The following ATL1 variants were observed in gnomAD, a reference collection of about 807,000 sequenced individuals.
The protein encoded by ATL1 is atlastin-1.
ATL1 carries 31 observed loss-of-function variants against 75.5 expected under a neutral mutation model. The observed-to-expected ratio is 0.41, with a 90% CI of 0.31 to 0.55. The LOEUF (loss-of-function observed/expected upper bound fraction) is 0.55. Among genes scored for constraint, ATL1 ranks in the 20% least tolerant of loss-of-function variants. The pLI, the probability that ATL1 is intolerant of heterozygous loss-of-function variation, is 0.27. For synonymous variants in ATL1, 226 were observed against 233.3 expected (o/e 0.97, Z 0.28); for missense variants, 405 against 662.6 (o/e 0.61, Z 4.27).
chr14:50,582,536 A>C (rs1440436871), intron 1 of ATL1, among the ~76,000 whole-genome samples: 1 of 150,160 alleles, frequency 6.7e-6, no homozygotes, highest in Non-Finnish European at 1.5e-5. Flanking sequence ...CAGCCTCTCA[A>C]GTAGTTGGGA....
chr14:50,585,179 C>T (rs773390912), intron 1 of ATL1, among the ~76,000 whole-genome samples: 79 of 152,182 alleles, frequency 5.2e-4, no homozygotes, highest in Non-Finnish European at 9.7e-4. Context: ...AAATTGCTGG[C>T]GGAAGTGAAA....
intron 1 of ATL1, among the ~76,000 whole-genome samples, chr14:50,536,214 G>A (rs1051645875): frequency 6.6e-6 from 1 of 152,232 alleles, no homozygotes; most frequent in Non-Finnish European, 1.5e-5. Context: ...GGAGGCCAAG[G>A]TGGGCGGATC....
At position 50,625,343 on chromosome 14, in the gene ATL1, T is replaced by C. The variant is rs1246145292; in HGVS notation, c.1119+2095T>C. On this transcript the variant is annotated intron_variant, in intron 11 of 13. Transcript: ENST00000358385. ...GGTTTAAGAAGCCATCTCCGTAACA[T>C]AAAGTGCAAGGTGAAGCAGCAAATC... Among the ~76,000 whole-genome samples the C allele has an allele frequency of 3.3e-5, 5 of 152,174 alleles. No individual in the cohort carries two copies. In the East Asian group the frequency reaches 9.6e-4, roughly 29 times the overall value.
chr14:50,582,673 G>A (rs1010201826), intron 1 of ATL1, among the ~76,000 whole-genome samples: 28 of 149,940 alleles, frequency 1.9e-4, no homozygotes, highest in East Asian at 4.1e-4. Context: ...TGATCCACCC[G>A]CCTCGGCCTC....
intron 1 of ATL1, among the ~76,000 whole-genome samples, chr14:50,554,249 G>A (rs2038738660): frequency 6.6e-6 from 1 of 152,084 alleles, no homozygotes; most frequent in Admixed American, 6.6e-5. Flanking sequence ...ACCCGATTAA[G>A]CTTCTTTGAC....
chr14:50,587,750 T>C (rs1157086229), intron 1 of ATL1, 81 bp from the exon 2 acceptor site: 1 of 1,568,736 alleles, frequency 6.4e-7, no homozygotes, highest in Non-Finnish European at 8.8e-7. Flanking sequence ...CTGTGTCGGA[T>C]GTTTGAGAGT....
chr14:50,615,199 A>C (rs765082020), intron 8 of ATL1, among the ~76,000 whole-genome samples: 1 of 152,248 alleles, frequency 6.6e-6, no homozygotes, highest in Non-Finnish European at 1.5e-5. Context: ...GTCTGTAGAC[A>C]TACGCTTTGT....
In ATL1 at chr14:50,621,837, T is replaced by G. The variant is rs192428744; in HGVS notation, c.991-6T>G. ...CTTGAACATGAATCTTTTTCTTTTT[T>G]TTTAGGCTTATATAAAGATCTATCA... On this transcript the variant is annotated splice_polypyrimidine_tract_variant and splice_region_variant and intron_variant, in intron 9 of 13. Coordinates refer to ENST00000358385, the MANE Select transcript of ATL1 (RefSeq NM_015915.5). The G allele has an allele frequency of 1.4e-4, 214 of 1,557,344 alleles. 2 individuals are homozygous for G. The East Asian group carries it at 2.4e-3, about 17-fold the overall frequency.
intron 11 of ATL1, 102 bp downstream of exon 11, chr14:50,623,350 G>A (rs769731538): frequency 1.2e-4 from 114 of 919,692 alleles, no homozygotes; most frequent in Non-Finnish European, 1.5e-4. Flanking sequence ...CACATGCAAT[G>A]AGGTGGCTTT....
chr14:50,544,578 C>T (rs1171419108), intron 1 of ATL1, among the ~76,000 whole-genome samples: 1 of 152,154 alleles, frequency 6.6e-6, no homozygotes, highest in Non-Finnish European at 1.5e-5. Context: ...GCATGGATGT[C>T]TGCTTCTGAT....
chr14:50,622,203 G>A (rs2039473317), intron 10 of ATL1, among the ~76,000 whole-genome samples: 1 of 152,176 alleles, frequency 6.6e-6, no homozygotes, highest in Non-Finnish European at 1.5e-5. Context: ...AAAAGCAGGT[G>A]CAAGTTTTAA....
upstream of ATL1, among the ~76,000 whole-genome samples, chr14:50,555,686 AT>A (rs1199620969): frequency 6.6e-6 from 1 of 152,170 alleles, no homozygotes; most frequent in Non-Finnish European, 1.5e-5. Context: ...AGCCGTTGTA[AT>A]TTTTATAGTA....
At chr14:50,561,963 C>A (rs1187951366) in intron 1 of ATL1, among the ~76,000 whole-genome samples, 1 of 152,092 alleles carries the variant, frequency 6.6e-6, no homozygotes, top group African/African-American at 2.4e-5. Flanking sequence ...TTAACAGAAG[C>A]ATGTGAAAAT....
At chr14:50,611,641 C>T (rs968057210) in intron 6 of ATL1, among the ~76,000 whole-genome samples, 2 of 152,012 alleles carry the variant, frequency 1.3e-5, no homozygotes, top group Admixed American at 6.6e-5. Context: ...AAAGAATAAA[C>T]ACAAAGGGCC....
intron 1 of ATL1, among the ~76,000 whole-genome samples, chr14:50,544,879 A>G (rs778193674): frequency 3.3e-5 from 5 of 149,460 alleles, no homozygotes; most frequent in Non-Finnish European, 7.4e-5. Flanking sequence ...GGATGCTGCA[A>G]TGAGCTATGA....
intron 6 of ATL1, among the ~76,000 whole-genome samples, chr14:50,611,633 A>G (rs1020521704): frequency 6.6e-6 from 1 of 152,186 alleles, no homozygotes; most frequent in Admixed American, 6.5e-5. Flanking sequence ...TTCACAAAAA[A>G]GAATAAACAC....
At chr14:50,604,732 C>T (rs1382968745) in intron 6 of ATL1, among the ~76,000 whole-genome samples, 1 of 152,076 alleles carries the variant, frequency 6.6e-6, no homozygotes, top group Non-Finnish European at 1.5e-5. Context: ...TTATGAAATT[C>T]TCCTTCAATG....
At chr14:50,632,120 T>G in intron 13 of ATL1, 109 bp from the exon 14 acceptor site, 1 of 659,336 alleles carries the variant, frequency 1.5e-6, no homozygotes, top group Non-Finnish European at 2.6e-6. Context: ...TAAAAAAGAT[T>G]TCAAATTCAA....
intron 6 of ATL1, among the ~76,000 whole-genome samples, chr14:50,597,230 A>AAAAAAAAAAAAAAAAG (rs1217697583): frequency 6.7e-6 from 1 of 149,256 alleles, no homozygotes; most frequent in African/African-American, 2.5e-5. Flanking sequence ...CAAAAAAAAA[A>AAAAAAAAAAAAAAAAG]AAAGAAAAAA....
Sources: gnomAD v4.1 joint callset for allele counts (sites outside exome capture counted in the v4.1 genomes callset) on GRCh38, gnomAD v4.1.1 for gene constraint, MANE v1.5 for transcripts, NCBI Gene and HGNC (gene_info 2026-07-23, HGNC 2026-07-21) for gene names.